PC: variants seen among roughly 807,000 people sequenced by gnomAD.
PC encodes the protein pyruvate carboxylase, mitochondrial.
In PC, 46 loss-of-function variants were observed where a neutral mutation model predicts 107.8. The ratio of observed to expected loss-of-function variants is 0.43; its 90% CI spans 0.34 to 0.55. The LOEUF (loss-of-function observed/expected upper bound fraction) is 0.55. Ranked by LOEUF, PC falls within the 20% of genes least tolerant of loss-of-function variation. PC has a pLI of 0.04. For synonymous variants in PC, 662 were observed against 684.7 expected, an observed-to-expected ratio of 0.97 and a Z score of 0.52; for missense variants, 1,241 against 1,643.1, an observed-to-expected ratio of 0.76 and a Z score of 4.23.
intron 12 of PC, among the ~76,000 whole-genome samples, chr11:66,862,988 C>A (rs1946336310): frequency 6.6e-6 from 1 of 152,178 alleles, no homozygotes; most frequent in African/African-American, 2.4e-5. Context: ...AAAGTGACCG[C>A]ATCTACATGA....
intron 3 of PC, among the ~76,000 whole-genome samples, chr11:66,893,375 C>T (rs1365195831): frequency 6.6e-6 from 1 of 152,196 alleles, no homozygotes; most frequent in African/African-American, 2.4e-5. Flanking sequence ...GCAGCGTAGA[C>T]AGAGTCGCTT....
rs543573865 is a variant in PC at position 66,912,490 on chromosome 11, G to A, written c.-1+39940C>T. Among the ~76,000 whole-genome samples the A allele has an allele frequency of 5.9e-5, 9 of 152,304 alleles. 1 individual carries two copies. In the South Asian group the frequency reaches 1.2e-3, roughly 21 times the overall value. On this transcript the variant is annotated intron_variant, in intron 3 of 22. Transcript: ENST00000393960. ...CACAAGAAGAGGCAGCGAGGTGAGC[G>A]GCGTGATTCCTGCACTGAGTAGGTG...
intron 12 of PC, chr11:66,860,773 C>T (rs911160064): frequency 1.6e-5 from 11 of 696,612 alleles, no homozygotes; most frequent in Non-Finnish European, 2.6e-5. Context: ...AGTGTAAAGC[C>T]TGGGGAGCAC....
In PC at chr11:66,858,327, C is replaced by T. The variant is rs1946001195; in HGVS notation, c.1369-4944G>A. On this transcript the variant is annotated intron_variant, in intron 12 of 22. Transcript: ENST00000393960. This position sits in a 1 kb window ranked among gnomAD's most constrained non-coding sequence, Gnocchi z 5.9. ...AGGCGCCTTCGCCCAGCTCGGTCAG[C>T]TCTCCCGCCTGGACCTCACCTCCAA... 2 of 1,605,512 alleles carry T rather than the reference C, an allele frequency of 1.2e-6. No homozygotes were observed. Among genetic ancestry groups the T allele is most frequent in the African/African-American group, 1.3e-5 (1 of 74,866 alleles).
In PC at chr11:66,872,160, C is replaced by T; in HGVS notation, c.1-1G>A. ...CATGGACTGTTCGGAACTTCAGCATCTAGGGAGGGAAGTTAGAGCCCAGGT... is the reference window on the plus strand; with the variant it reads ...CATGGACTGTTCGGAACTTCAGCATTTAGGGAGGGAAGTTAGAGCCCAGGT... On this transcript the variant is annotated splice_acceptor_variant, in intron 3 of 22. Coordinates refer to ENST00000393960, the MANE Select transcript of PC (RefSeq NM_001040716.2). LOFTEE classifies it low-confidence loss of function (5UTR_SPLICE). 1 of 1,579,970 alleles carries T rather than the reference C, an allele frequency of 6.3e-7. No individual in the cohort carries two copies. Among genetic ancestry groups the T allele is most frequent in the Non-Finnish European group, 8.6e-7 (1 of 1,163,854 alleles).
chr11:66,873,618 G>C (rs1946869960), intron 3 of PC, among the ~76,000 whole-genome samples: 1 of 136,670 alleles, frequency 7.3e-6, no homozygotes, highest in East Asian at 2.0e-4. Flanking sequence ...TGAATGCAAA[G>C]AGGCTTCAGA....
chr11:66,849,787 C>T lies in PC; in HGVS notation c.2971G>A (p.Glu991Lys). The T allele has an allele frequency of 1.9e-6, 3 of 1,614,138 alleles. No homozygotes were observed. Among genetic ancestry groups the T allele is most frequent in the East Asian group, 2.2e-5 (1 of 44,882 alleles). ...SLPPLDLQAL[E>K]KELVDRHGEE... ...CCATGCCGGTCTACCAGCTCCTTCT[C>T]CAGTGCCTGCAGATCCAGGGGAGGG... The change falls in exon 21 of 23, where the codon GAG (glutamate) becomes AAG (lysine). Residue 991 changes from glutamate to lysine, a missense_variant. Glu to Lys is a moderately conservative substitution (Grantham distance 56, BLOSUM62 1). Transcript: ENST00000393960.
At chr11:66,853,462 A>C in intron 12 of PC, 79 bp from the exon 13 acceptor site, 1 of 1,561,540 alleles carries the variant, frequency 6.4e-7, no homozygotes, top group Non-Finnish European at 8.8e-7. Context: ...CTGAAAGAGA[A>C]AAGGCTGAAG....
At chr11:66,855,777 C>T (rs1555018374) in intron 12 of PC, among the ~76,000 whole-genome samples, 1 of 152,206 alleles carries the variant, frequency 6.6e-6, no homozygotes, top group Non-Finnish European at 1.5e-5. Flanking sequence ...TGCAGCTGTC[C>T]TCCCCTCTCG....
At chr11:66,854,428 C>T (rs1301642559) in intron 12 of PC, among the ~76,000 whole-genome samples, 4 of 152,196 alleles carry the variant, frequency 2.6e-5, no homozygotes, top group Admixed American at 2.6e-4. Context: ...GCCTGGGAAC[C>T]CTTGGGGGCA....
intron 3 of PC, among the ~76,000 whole-genome samples, chr11:66,922,297 G>A (rs940013810): frequency 6.6e-6 from 1 of 152,066 alleles, no homozygotes; most frequent in Non-Finnish European, 1.5e-5. Context: ...AGCCTAGACC[G>A]GGCACAGTGG....
chr11:66,862,331 A>T (rs1198583418), intron 12 of PC, among the ~76,000 whole-genome samples: 1 of 152,190 alleles, frequency 6.6e-6, no homozygotes, highest in Admixed American at 6.5e-5. Flanking sequence ...CTGGCCACAC[A>T]CACAGGCATA....
intron 3 of PC, among the ~76,000 whole-genome samples, chr11:66,945,914 G>A (rs1591314168): frequency 1.3e-5 from 2 of 148,766 alleles, no homozygotes; most frequent in African/African-American, 4.9e-5. Flanking sequence ...GTGAAACCCC[G>A]TCTCTACTAA....
intron 3 of PC, among the ~76,000 whole-genome samples, chr11:66,886,646 T>C (rs542627890): frequency 2.4e-4 from 36 of 152,058 alleles, no homozygotes; most frequent in African/African-American, 8.4e-4. Context: ...ACCCATTAGA[T>C]GGGAGGCAGA....
At chr11:66,851,673 G>T in intron 16 of PC, 117 bp downstream of exon 16, 1 of 1,090,990 alleles carries the variant, frequency 9.2e-7, no homozygotes, top group Non-Finnish European at 1.4e-6. Context: ...CCTGCTGCGT[G>T]TGGCCACAGA....
chr11:66,909,905 AC>A (rs1181549896), intron 3 of PC, among the ~76,000 whole-genome samples: 3 of 152,074 alleles, frequency 2.0e-5, no homozygotes, highest in African/African-American at 7.2e-5. Context: ...TGGCTGGAAC[AC>A]CGGGTATGAG....
At chr11:66,895,694 T>C (rs1016574696) in intron 3 of PC, among the ~76,000 whole-genome samples, 1 of 151,004 alleles carries the variant, frequency 6.6e-6, no homozygotes, top group Non-Finnish European at 1.5e-5. Flanking sequence ...GACAAAGAGA[T>C]GGAAAATAGG....
intron 12 of PC, chr11:66,859,186 C>T (rs968074313): frequency 2.2e-6 from 3 of 1,386,670 alleles, no homozygotes; most frequent in African/African-American, 3.0e-5. Flanking sequence ...CCTCCTCTCT[C>T]TGGGGCTGAC....
intron 3 of PC, among the ~76,000 whole-genome samples, chr11:66,951,145 A>G (rs967511190): frequency 2.6e-5 from 4 of 152,186 alleles, no homozygotes; most frequent in Non-Finnish European, 5.9e-5. Context: ...AAACCCCCAC[A>G]TAATGGGTGG....
Sources: gnomAD v4.1 joint callset for allele counts (sites outside exome capture counted in the v4.1 genomes callset) on GRCh38, gnomAD v4.1.1 for gene constraint, Gnocchi (gnomAD v3.1) non-coding constraint, MANE v1.5 for transcripts, NCBI Gene and HGNC (gene_info 2026-07-23, HGNC 2026-07-21) for gene names.